The following SFMBT2 variants were observed in gnomAD, a reference collection of about 807,000 sequenced individuals.
SFMBT2 encodes the protein Scm like with four mbt domains 2, also known as scm-like with four MBT domains protein 2.
SFMBT2 carries 38 observed loss-of-function variants against 110.1 expected under a neutral mutation model. The observed-to-expected ratio is 0.35, with a 90% CI of 0.27 to 0.45. The LOEUF is 0.45. Among genes scored for constraint, SFMBT2 ranks in the 20% least tolerant of loss-of-function variants. The pLI, the probability that SFMBT2 is intolerant of heterozygous loss-of-function variation, is 1.00. For synonymous variants in SFMBT2, 425 were observed against 425.4 expected (o/e 1.00, Z 0.01); for missense variants, 1,011 against 1,094.9 (o/e 0.92, Z 1.08).
intron 7 of SFMBT2, among the ~76,000 whole-genome samples, chr10:7,264,937 G>GAA (rs35999336): frequency 9.5e-4 from 90 of 95,194 alleles, no homozygotes; most frequent in African/African-American, 1.6e-3. Context: ...TAAAAAAGAG[G>GAA]AAAAAAAAAA....
At chr10:7,265,252 A>AGATT (rs1381869043) in intron 7 of SFMBT2, among the ~76,000 whole-genome samples, 5 of 147,336 alleles carry the variant, frequency 3.4e-5, no homozygotes, top group African/African-American at 1.3e-4. Flanking sequence ...CCCAGACTGG[A>AGATT]GTGCAGTGGC....
chr10:7,202,861 C>T (rs764837272), intron 12 of SFMBT2: 75 of 985,310 alleles, frequency 7.6e-5, no homozygotes, highest in South Asian at 2.3e-4. Context: ...AGCAGTTATC[C>T]GGAATGATTT....
chr10:7,342,084 A>T (rs981494999), intron 4 of SFMBT2, among the ~76,000 whole-genome samples: 4 of 104,648 alleles, frequency 3.8e-5, no homozygotes, highest in African/African-American at 6.0e-5. Flanking sequence ...CTGCCTCATT[A>T]AAAAAAAAAA....
intron 2 of SFMBT2, among the ~76,000 whole-genome samples, chr10:7,379,586 C>A (rs934754145): frequency 5.3e-5 from 8 of 152,166 alleles, no homozygotes; most frequent in Non-Finnish European, 1.2e-4. Context: ...ACTCTCCTCA[C>A]CGCACAAGTA....
rs1837827555 is a variant in SFMBT2 at position 7,170,154 on chromosome 10, CGGCTAGG to C, written c.2544+767_2544+773del. On this transcript the variant is annotated intron_variant, in intron 20 of 20. Transcript: ENST00000397167. The surrounding 1 kb of genome is among the most constrained non-coding windows in gnomAD (Gnocchi z 4.6). Reference sequence around the variant, plus strand: ...GGAAGGTGGAGAAAGGAGGGCAGACCGGCTAGGGGCCTGGGCCCCCAGCTGACAGCAC... The same window carrying C: ...GGAAGGTGGAGAAAGGAGGGCAGACCGGCCTGGGCCCCCAGCTGACAGCAC... Among the ~76,000 whole-genome samples, 1 of 152,162 alleles carries C rather than the reference CGGCTAGG, an allele frequency of 6.6e-6. No individual in the cohort carries two copies. Among genetic ancestry groups the C allele is most frequent in the African/African-American group, 2.4e-5 (1 of 41,444 alleles).
intron 9 of SFMBT2, among the ~76,000 whole-genome samples, chr10:7,232,087 A>T (rs2131686162): frequency 6.6e-6 from 1 of 152,302 alleles, no homozygotes; most frequent in South Asian, 2.1e-4. Context: ...CTTTGCAGCA[A>T]GCTTCCCTGA....
intron 4 of SFMBT2, among the ~76,000 whole-genome samples, chr10:7,332,068 C>T (rs1588455812): frequency 6.6e-6 from 1 of 151,010 alleles, no homozygotes; most frequent in East Asian, 1.9e-4. Context: ...CTCTTCCAGA[C>T]CTACAGGTCA....
chr10:7,171,010 G>A lies in SFMBT2; in HGVS notation c.2462C>T (p.Pro821Leu). The A allele has an allele frequency of 1.2e-6, 2 of 1,614,120 alleles. No homozygotes were observed. The highest frequency in any genetic ancestry group is 1.7e-6 in the Non-Finnish European group (2 of 1,180,004). ...EEERLVLESNPLEWTVTDVVR... is the reference protein window; with the variant it reads ...EEERLVLESNLLEWTVTDVVR... ...CACGTCGGTGACCGTCCACTCCAAC[G>A]GGTTGCTCTCCAGAACCAGTCTCTC... Residue 821 changes from proline to leucine, a missense_variant, in exon 20 of 21, where the codon CCG becomes CTG. Around this residue, in one of 2 missense-constraint regions of SFMBT2, gnomAD observed 979 missense variants for 1,016.1 expected, o/e 0.96. Coordinates refer to ENST00000397167, the MANE Select transcript of SFMBT2 (RefSeq NM_001387889.1). This position sits in a 1 kb window ranked among gnomAD's most constrained non-coding sequence, Gnocchi z 4.9.
At chr10:7,409,972 C>T (rs745828573) in intron 1 of SFMBT2, among the ~76,000 whole-genome samples, 31 of 151,816 alleles carry the variant, frequency 2.0e-4, no homozygotes, top group Non-Finnish European at 3.5e-4. Context: ...CCCTTCCCAC[C>T]GCCCCTGGTC....
At chr10:7,300,962 C>T (rs544043371) in intron 4 of SFMBT2, among the ~76,000 whole-genome samples, 72 of 152,192 alleles carry the variant, frequency 4.7e-4, no homozygotes, top group African/African-American at 1.7e-3. Flanking sequence ...TTGTGTCGTA[C>T]AAAAGTCCAG....
At chr10:7,405,461 C>T (rs1846185619) in intron 1 of SFMBT2, among the ~76,000 whole-genome samples, 1 of 152,206 alleles carries the variant, frequency 6.6e-6, no homozygotes, top group Admixed American at 6.5e-5. Flanking sequence ...CAGATGAAAA[C>T]ACGACCCCAT....
In SFMBT2 at chr10:7,329,620, A is replaced by G. The variant is rs906896013; in HGVS notation, c.436+38029T>C. ...ACAGATTCCTCGGTTAGAAATCCAG[A>G]TGGAACACAGCAAGGCAGGCTCGTC... On this transcript the variant is annotated intron_variant, in intron 4 of 20. Coordinates refer to ENST00000397167, the MANE Select transcript of SFMBT2 (RefSeq NM_001387889.1). 1.5e-5 allele frequency: 8 copies of G among 529,384 alleles called. No individual in the cohort carries two copies. The Admixed American group carries it at 4.5e-4, about 29-fold the overall frequency. The allele number at this position is 529,384 out of a possible 1,614,324, so 32.8% of individuals were successfully genotyped here.
At chr10:7,344,967 A>AAT (rs1844060177) in intron 4 of SFMBT2, among the ~76,000 whole-genome samples, 1 of 151,154 alleles carries the variant, frequency 6.6e-6, no homozygotes, top group African/African-American at 2.4e-5. Flanking sequence ...TCAAAAAAAA[A>AAT]AAAAAAAAAA....
At position 7,171,978 on chromosome 10, in the gene SFMBT2, T is replaced by C; in HGVS notation, c.2332A>G (p.Thr778Ala). 1 of 1,533,138 alleles carries C rather than the reference T, an allele frequency of 6.5e-7. No individual in the cohort carries two copies. The highest frequency in any genetic ancestry group is 8.7e-7 in the Non-Finnish European group (1 of 1,143,622). The allele number at this position is 1,533,138 out of a possible 1,614,324, so 95.0% of individuals were successfully genotyped here. Residue 778 changes from threonine to alanine, a missense_variant, in exon 19 of 21, where the codon ACA becomes GCA. Around this residue, in one of 2 missense-constraint regions of SFMBT2, gnomAD observed 979 missense variants for 1,016.1 expected, o/e 0.96. Coordinates refer to ENST00000397167, the MANE Select transcript of SFMBT2 (RefSeq NM_001387889.1). The surrounding 1 kb of genome is among the most constrained non-coding windows in gnomAD (Gnocchi z 4.9). ...GCCGGCGCCCCGCGGCCCCTTCGTG[T>C]CCTCTCTGGGGGTGGCCGGCGCACG... ...EPVRRPPPER[T>A]RRGRGAPAAS...
intron 6 of SFMBT2, among the ~76,000 whole-genome samples, chr10:7,283,059 T>C (rs1157345970): frequency 6.6e-6 from 1 of 152,182 alleles, no homozygotes; most frequent in Non-Finnish European, 1.5e-5. Context: ...ACAGGGGACC[T>C]TGGACAACTA....
chr10:7,336,383 C>T (rs1843717727), intron 4 of SFMBT2, among the ~76,000 whole-genome samples: 1 of 152,200 alleles, frequency 6.6e-6, no homozygotes, highest in Admixed American at 6.5e-5. Flanking sequence ...GGCAGAGCCA[C>T]ACCACCAAAC....
rs144108551 is a variant in SFMBT2 at position 7,230,863 on chromosome 10, C to T, written c.1121-2926G>A. Among the ~76,000 whole-genome samples, 704 of 152,152 alleles carry T rather than the reference C, an allele frequency of 4.6e-3. 5 individuals are homozygous for T. The highest frequency in any genetic ancestry group is 8.4e-3 in the Non-Finnish European group (569 of 67,990). On this transcript the variant is annotated intron_variant, in intron 9 of 20. Transcript: ENST00000397167. ...CAGGAGAATTGCTTGAACCCGGAGG[C>T]GGAGATTGCTGTGAGCCAACATCAC...
At position 7,176,020 on chromosome 10, in the gene SFMBT2, T is replaced by A; in HGVS notation, c.1954A>T (p.Asn652Tyr). Residue 652 changes from asparagine to tyrosine, a missense_variant, in exon 17 of 21, where the codon AAC becomes TAC. Physicochemically the swap from Asn to Tyr is moderately radical, Grantham distance 143. Transcript: ENST00000397167. ...PVLISENCPE[N>Y]CSIHTKTKYT... The stretch of plus-strand genomic sequence containing the variant: ...TTGGTTTTGGTATGAATGGAGCAGT[T>A]CTCTGGGCAGTTTTCAGATATCAGC... The A allele has an allele frequency of 6.2e-7, 1 of 1,614,168 alleles. No individual in the cohort carries two copies. Among genetic ancestry groups the A allele is most frequent in the East Asian group, 2.2e-5 (1 of 44,880 alleles).
At chr10:7,391,455 G>C (rs1005529119) in intron 1 of SFMBT2, among the ~76,000 whole-genome samples, 2 of 145,096 alleles carry the variant, frequency 1.4e-5, no homozygotes, top group African/African-American at 2.6e-5. Flanking sequence ...AACAGAGCGA[G>C]ACTCTGTCTC....
Sources: allele counts gnomAD v4.1 joint callset (sites outside exome capture counted in the v4.1 genomes callset), GRCh38; gene constraint gnomAD v4.1.1; regional missense constraint gnomAD v4.1.1; non-coding constraint Gnocchi (gnomAD v3.1); transcripts MANE v1.5; gene names NCBI Gene and HGNC (gene_info 2026-07-23, HGNC 2026-07-21).